KIF5C: variants seen among roughly 807,000 people sequenced by gnomAD.
KIF5C encodes the protein kinesin heavy chain isoform 5C.
A neutral mutation model predicts 125.2 loss-of-function variants in KIF5C; 18 were observed. The observed-to-expected ratio is 0.14, with a 90% CI of 0.10 to 0.21. KIF5C has a LOEUF of 0.21. Ranked by LOEUF, KIF5C falls within the 10% of genes least tolerant of loss-of-function variation. KIF5C has a pLI of 1.00. For missense variants in KIF5C, 780 were observed against 1,183.8 expected (o/e 0.66, Z 5.01); for synonymous variants, 405 against 434.0 (o/e 0.93, Z 0.83).
At chr2:148,902,894 T>C (rs575970418) in intron 1 of KIF5C, among the ~76,000 whole-genome samples, 1 of 152,350 alleles carries the variant, frequency 6.6e-6, no homozygotes, top group Non-Finnish European at 1.5e-5. Context: ...AAAATAATTC[T>C]TGGCCCCTGC....
intron 1 of KIF5C, among the ~76,000 whole-genome samples, chr2:148,894,947 T>C (rs979535332): frequency 6.6e-6 from 1 of 150,728 alleles, no homozygotes; most frequent in Non-Finnish European, 1.5e-5. Context: ...GTTAGGTTAT[T>C]CTAACACCTT....
chr2:148,931,166 C>A (rs1303330389), intron 3 of KIF5C, among the ~76,000 whole-genome samples: 1 of 151,966 alleles, frequency 6.6e-6, no homozygotes, highest in African/African-American at 2.4e-5. Context: ...ACAACAACAA[C>A]AACAAAAACA....
chr2:148,934,787 C>T (rs1225614860), intron 3 of KIF5C, among the ~76,000 whole-genome samples: 1 of 151,830 alleles, frequency 6.6e-6, no homozygotes, highest in Non-Finnish European at 1.5e-5. Flanking sequence ...ACTCCACATA[C>T]ATCACACGCC....
chr2:148,970,222 GT>G lies in KIF5C; in HGVS notation c.1118-3110del, dbSNP rs547652783. 2.6e-5 allele frequency among the ~76,000 whole-genome samples: 4 copies of G among 152,262 alleles called. No individual in the cohort carries two copies. In the South Asian group the frequency reaches 8.3e-4, roughly 32 times the overall value. ...AAATGGACTTGCATGGCTATACCAT[GT>G]TTTATTTTTGGAACTGAGCTCCAGC... On this transcript the variant is annotated intron_variant, in intron 11 of 25. Transcript: ENST00000435030.
Position 149,025,488 on chromosome 2 carries a change from T to G in KIF5C, c.*2418T>G, listed in dbSNP as rs1034330112. 1 of 152,582 alleles carries G rather than the reference T, an allele frequency of 6.6e-6. No individual in the cohort carries two copies. Among genetic ancestry groups the G allele is most frequent in the Non-Finnish European group, 1.5e-5 (1 of 68,028 alleles). 9.5% of individuals were successfully genotyped at this position (152,582 alleles called of 1,614,324 possible). ...TTCTAAAAAAGCCACATATGTGCAA[T>G]TTTCAGGTTTTTAGACTATTGCTCC... On this transcript the variant is annotated 3_prime_UTR_variant, in exon 26 of 26. Coordinates refer to ENST00000435030, the MANE Select transcript of KIF5C (RefSeq NM_004522.3).
chr2:148,905,670 G>A (rs1681076130), intron 1 of KIF5C, among the ~76,000 whole-genome samples: 1 of 152,188 alleles, frequency 6.6e-6, no homozygotes, highest in Non-Finnish European at 1.5e-5. Context: ...TTTAGCTAAT[G>A]GAGGAAGCCT....
intron 1 of KIF5C, among the ~76,000 whole-genome samples, chr2:148,909,685 TGAAA>T (rs1211386007): frequency 1.3e-5 from 2 of 152,192 alleles, no homozygotes; most frequent in Non-Finnish European, 2.9e-5. Flanking sequence ...GAGCAGAGTC[TGAAA>T]GAGAGCTCTC....
intron 25 of KIF5C, among the ~76,000 whole-genome samples, chr2:149,021,307 C>T (rs879338010): frequency 1.3e-5 from 2 of 152,158 alleles, no homozygotes; most frequent in Admixed American, 6.5e-5. Flanking sequence ...GAGTGATCCA[C>T]CCGCGTTGGC....
intron 17 of KIF5C, among the ~76,000 whole-genome samples, chr2:148,995,290 G>A (rs776688905): frequency 1.3e-5 from 2 of 152,118 alleles, no homozygotes; most frequent in East Asian, 1.9e-4. Flanking sequence ...CTGTCCAAAC[G>A]GACACTTCTA....
intron 22 of KIF5C, among the ~76,000 whole-genome samples, chr2:149,006,455 G>A (rs1682010777): frequency 6.6e-6 from 1 of 152,098 alleles, no homozygotes; most frequent in South Asian, 2.1e-4. Flanking sequence ...GGGTCTTCTT[G>A]GTTTATGTGA....
intron 25 of KIF5C, among the ~76,000 whole-genome samples, chr2:149,021,008 T>G (rs1427311097): frequency 6.6e-6 from 1 of 152,194 alleles, no homozygotes; most frequent in Admixed American, 6.5e-5. Flanking sequence ...TGTGGGTGAT[T>G]ATACCAAATG....
At chr2:148,916,075 G>A (rs974524954) in intron 1 of KIF5C, among the ~76,000 whole-genome samples, 1 of 152,220 alleles carries the variant, frequency 6.6e-6, no homozygotes, top group African/African-American at 2.4e-5. Context: ...AGATGCAGGA[G>A]CTGACCATGA....
intron 21 of KIF5C, among the ~76,000 whole-genome samples, chr2:149,001,138 AT>A (rs1298577656): frequency 6.6e-6 from 1 of 152,224 alleles, no homozygotes; most frequent in Non-Finnish European, 1.5e-5. Context: ...GAATATATCC[AT>A]AAACAACAGA....
At chr2:148,919,416 C>T (rs764947814) in intron 1 of KIF5C, among the ~76,000 whole-genome samples, 2 of 152,156 alleles carry the variant, frequency 1.3e-5, no homozygotes, top group Non-Finnish European at 2.9e-5. Flanking sequence ...CCAGAACCTG[C>T]ATTAAATGTC....
chr2:149,000,978 T>C (rs1360697236), intron 21 of KIF5C, among the ~76,000 whole-genome samples, 196 bp downstream of exon 21: 1 of 152,224 alleles, frequency 6.6e-6, no homozygotes, highest in Non-Finnish European at 1.5e-5. Flanking sequence ...CATCTATCCT[T>C]AGAGCAGTAA....
intron 1 of KIF5C, among the ~76,000 whole-genome samples, chr2:148,909,151 A>T (rs562688127): frequency 6.6e-6 from 1 of 152,314 alleles, no homozygotes; most frequent in African/African-American, 2.4e-5. Context: ...GCTTTGCAGC[A>T]CTGGGCTCTG....
At chr2:148,912,048 C>T (rs1681360957) in intron 1 of KIF5C, among the ~76,000 whole-genome samples, 1 of 152,190 alleles carries the variant, frequency 6.6e-6, no homozygotes, top group African/African-American at 2.4e-5. Context: ...GTTCTATTAA[C>T]TAACGAATCT....
chr2:148,908,824 CTT>C (rs1171242216), intron 1 of KIF5C, among the ~76,000 whole-genome samples: 1 of 152,152 alleles, frequency 6.6e-6, no homozygotes, highest in Non-Finnish European at 1.5e-5. Flanking sequence ...TTCTATGAGA[CTT>C]TGCATTTTTT....
intron 1 of KIF5C, among the ~76,000 whole-genome samples, chr2:148,889,534 C>T (rs184096380): frequency 2.3e-4 from 35 of 152,148 alleles, no homozygotes; most frequent in African/African-American, 7.5e-4. Flanking sequence ...TTGGGACTAA[C>T]TCAGGGTTCT....
Sources: allele counts gnomAD v4.1 joint callset (sites outside exome capture counted in the v4.1 genomes callset), GRCh38; gene constraint gnomAD v4.1.1; transcripts MANE v1.5; gene names NCBI Gene and HGNC (gene_info 2026-07-23, HGNC 2026-07-21).